PSD3: variants seen among roughly 807,000 people sequenced by gnomAD.
The protein encoded by PSD3 is PH and SEC7 domain-containing protein 3.
Under a neutral mutation model 105.5 loss-of-function variants are expected in PSD3, and 49 were observed. The observed-to-expected ratio is 0.46, with a 90% CI of 0.37 to 0.59. The LOEUF is 0.59. Among genes scored for constraint, PSD3 ranks in the 20% least tolerant of loss-of-function variants. PSD3 has a pLI of 0.00. For missense variants in PSD3, 1,561 were observed against 1,263.8 expected (o/e 1.24, Z -3.57); for synonymous variants, 557 against 457.8 (o/e 1.22, Z -2.77).
intron 1 of PSD3, among the ~76,000 whole-genome samples, chr8:18,996,522 A>C (rs1563495894): frequency 6.6e-6 from 1 of 151,968 alleles, no homozygotes; most frequent in African/African-American, 2.4e-5. Flanking sequence ...AACAAAAATT[A>C]GTGTTTACAA....
intron 12 of PSD3, among the ~76,000 whole-genome samples, chr8:18,576,563 A>G (rs182247648): frequency 6.6e-6 from 1 of 152,300 alleles, no homozygotes; most frequent in Admixed American, 6.5e-5. Context: ...TTTTCTCAGT[A>G]ATTTAGCATT....
chr8:18,563,892 G>A (rs1379306056), intron 14 of PSD3, among the ~76,000 whole-genome samples: 2 of 152,148 alleles, frequency 1.3e-5, no homozygotes, highest in East Asian at 3.9e-4. Context: ...GAGATCACAA[G>A]TGGTTACAGA....
chr8:18,907,670 G>A (rs967031794), intron 2 of PSD3, among the ~76,000 whole-genome samples: 19 of 152,250 alleles, frequency 1.2e-4, no homozygotes, highest in African/African-American at 4.6e-4. Context: ...CTAGGTTTCT[G>A]CAAGTACACT....
At chr8:18,944,049 A>G (rs779012515) in intron 1 of PSD3, among the ~76,000 whole-genome samples, 1 of 152,154 alleles carries the variant, frequency 6.6e-6, no homozygotes, top group Non-Finnish European at 1.5e-5. Context: ...CCCCACTACT[A>G]TATCACATTA....
intron 15 of PSD3, among the ~76,000 whole-genome samples, chr8:18,538,918 G>A (rs1269970624): frequency 6.6e-6 from 1 of 152,160 alleles, no homozygotes; most frequent in Non-Finnish European, 1.5e-5. Flanking sequence ...GAAAAAAGGG[G>A]GTGAGAGGGG....
At chr8:19,046,593 T>C (rs11998552) in intron 1 of PSD3, among the ~76,000 whole-genome samples, 4,086 of 152,288 alleles carry the variant, frequency 0.027, 208 homozygotes, top group African/African-American at 0.093. Flanking sequence ...TTCCTTACCA[T>C]TTCTTTCTGC....
chr8:18,771,267 T>C (rs774001226), intron 8 of PSD3, among the ~76,000 whole-genome samples: 2 of 151,934 alleles, frequency 1.3e-5, no homozygotes, highest in East Asian at 3.9e-4. Flanking sequence ...GCTTTTCAGC[T>C]TGAGGGTGCA....
At chr8:18,838,734 A>G (rs888745236) in intron 4 of PSD3, among the ~76,000 whole-genome samples, 4 of 151,248 alleles carry the variant, frequency 2.6e-5, no homozygotes, top group South Asian at 4.2e-4. Flanking sequence ...CCCGGGAGGC[A>G]GAGCTTGCAG....
intron 9 of PSD3, among the ~76,000 whole-genome samples, chr8:18,731,198 G>C (rs1327600757): frequency 3.3e-5 from 5 of 152,198 alleles, no homozygotes; most frequent in Non-Finnish European, 7.3e-5. Context: ...GGAGGTTGCA[G>C]TGAGCAGAGA....
chr8:18,792,139 T>C (rs1809779969), intron 8 of PSD3, among the ~76,000 whole-genome samples: 1 of 152,170 alleles, frequency 6.6e-6, no homozygotes, highest in South Asian at 2.1e-4. Context: ...AGTTTAATCA[T>C]TGTGGAAGAC....
chr8:18,578,734 C>CAAAAA (rs67557349), intron 12 of PSD3, among the ~76,000 whole-genome samples: 3 of 145,512 alleles, frequency 2.1e-5, no homozygotes, highest in African/African-American at 2.5e-5. Context: ...CTTAAAAATG[C>CAAAAA]AAAAAAAAAA....
At chr8:18,683,642 T>G in intron 9 of PSD3, 1 of 610,460 alleles carries the variant, frequency 1.6e-6, no homozygotes, top group Non-Finnish European at 3.0e-6. Flanking sequence ...CGCACCTGAT[T>G]CTCTTAGAAC....
At chr8:18,606,488 T>A (rs1004229187) in intron 11 of PSD3, among the ~76,000 whole-genome samples, 2 of 152,248 alleles carry the variant, frequency 1.3e-5, no homozygotes, top group South Asian at 2.1e-4. Flanking sequence ...CAGTTTTAGA[T>A]GTTTTATTAT....
intron 1 of PSD3, among the ~76,000 whole-genome samples, chr8:18,988,743 C>T (rs1056741308): frequency 6.6e-6 from 1 of 152,026 alleles, no homozygotes; most frequent in Non-Finnish European, 1.5e-5. Context: ...AACTTGGGGA[C>T]TTTTTTACCT....
rs774572606 is a variant in PSD3, at chr8:18,872,215, G to C, written c.649C>G (p.Leu217Val). Reference sequence around the variant, plus strand: ...GTGTCTCCAGTTAACAGCGCGGTGAGATCTTTCTGGATGCTCAAATAAAAA... The same window carrying C: ...GTGTCTCCAGTTAACAGCGCGGTGACATCTTTCTGGATGCTCAAATAAAAA... ...ESFYLSIQKD[L>V]TALLTGDTQA... The change falls in exon 3 of 16, where the codon CTC becomes GTC. Residue 217 changes from leucine to valine, a missense_variant. Coordinates refer to ENST00000327040, the MANE Select transcript of PSD3 (RefSeq NM_015310.4). 2.5e-6 allele frequency: 4 copies of C among 1,614,216 alleles called. No homozygotes were observed. Among genetic ancestry groups the C allele is most frequent in the Non-Finnish European group, 3.4e-6 (4 of 1,180,044 alleles).
intron 9 of PSD3, among the ~76,000 whole-genome samples, chr8:18,745,257 C>T (rs1298326797): frequency 1.3e-5 from 2 of 152,194 alleles, no homozygotes; most frequent in Non-Finnish European, 2.9e-5. Context: ...TAGTATCCTT[C>T]AATGGCTCTA....
intron 15 of PSD3, among the ~76,000 whole-genome samples, chr8:18,547,737 T>C (rs557037130): frequency 1.3e-5 from 2 of 152,362 alleles, no homozygotes; most frequent in Admixed American, 6.5e-5. Flanking sequence ...CTATGTTTAA[T>C]TTTTGACAGT....
rs1235802248 is a variant in PSD3, at chr8:18,556,288, C to T, written c.2849G>A (p.Arg950His). Residue 950 changes from arginine (R) to histidine (H), a missense_variant, in exon 15 of 16, where the codon CGC (arginine) becomes CAC (histidine). Transcript: ENST00000327040. Reference sequence around the variant, plus strand: ...GACCTTCTTGTCGGGGGGATATGAGCGGTGCTCGGCCAGCTCGGTGGTGAT... The same window carrying T: ...GACCTTCTTGTCGGGGGGATATGAGTGGTGCTCGGCCAGCTCGGTGGTGAT... ...KQITTELAEHRSYPPDKKVKA... is the reference protein window; with the variant it reads ...KQITTELAEHHSYPPDKKVKA... The T allele has an allele frequency of 1.2e-5, 20 of 1,613,860 alleles. No homozygotes were observed. The highest frequency in any genetic ancestry group is 1.0e-4 in the Admixed American group (6 of 59,986).
intron 12 of PSD3, among the ~76,000 whole-genome samples, chr8:18,598,625 T>C (rs1804214295): frequency 6.6e-6 from 1 of 152,000 alleles, no homozygotes; most frequent in African/African-American, 2.4e-5. Context: ...TCAAAACAGA[T>C]ACAGTTTCAA....
Sources: gnomAD v4.1 joint callset for allele counts (sites outside exome capture counted in the v4.1 genomes callset) on GRCh38, gnomAD v4.1.1 for gene constraint, MANE v1.5 for transcripts, NCBI Gene and HGNC (gene_info 2026-07-23, HGNC 2026-07-21) for gene names.